Variants in ABHD12 observed in about 807,000 individuals in gnomAD.
ABHD12 encodes lysophosphatidylserine lipase ABHD12.
In ABHD12, 43 loss-of-function variants were observed where a neutral mutation model predicts 58.3. The observed-to-expected ratio is 0.74, with a 90% CI of 0.58 to 0.95. The LOEUF (loss-of-function observed/expected upper bound fraction) is 0.95. ABHD12 is among the 40% of genes least tolerant of loss of function. The pLI is 0.00. For synonymous variants in ABHD12, 219 were observed against 211.2 expected, an observed-to-expected ratio of 1.04 and a Z score of -0.32; for missense variants, 539 against 537.2, an observed-to-expected ratio of 1.00 and a Z score of -0.03.
At chr20:25,368,485 A>G in intron 1 of ABHD12, 1 of 1,545,194 alleles carries the variant, frequency 6.5e-7, no homozygotes. Context: ...ACAAGATGCT[A>G]GGACCTGTAT....
intron 3 of ABHD12, among the ~76,000 whole-genome samples, chr20:25,320,954 C>G (rs995088263): frequency 6.6e-6 from 1 of 152,246 alleles, no homozygotes; most frequent in Non-Finnish European, 1.5e-5. Flanking sequence ...ACTCAGGCCA[C>G]ATCGAATACT....
chr20:25,390,489 CCCCCGCT>C lies in ABHD12; in HGVS notation c.191+17_191+23del. 7.9e-7 allele frequency: 1 copy of C among 1,271,062 alleles called. No individual in the cohort carries two copies. The highest frequency in any genetic ancestry group is 1.0e-6 in the Non-Finnish European group (1 of 981,702). 78.7% of individuals were successfully genotyped at this position (1,271,062 alleles called of 1,614,324 possible). A position where few individuals can be genotyped will look rare whatever the true frequency, so the allele number is the denominator to read the frequency against. ...AAGTGAGGGACCGGCCCCCCCCCCC[CCCCCGCT>C]CCGCGCGAAGCCTCACCTGCCCAGC... On this transcript the variant is annotated intron_variant, in intron 1 of 12. Transcript: ENST00000339157.
At chr20:25,359,846 T>C (rs1037560100) in intron 1 of ABHD12, among the ~76,000 whole-genome samples, 1 of 152,174 alleles carries the variant, frequency 6.6e-6, no homozygotes, top group Admixed American at 6.5e-5. Context: ...GCTAGGATTA[T>C]AGGCGTGAGC....
chr20:25,334,227 C>T (rs888009157), intron 2 of ABHD12, among the ~76,000 whole-genome samples: 1 of 151,146 alleles, frequency 6.6e-6, no homozygotes, highest in African/African-American at 2.4e-5. Context: ...GAATAAAATA[C>T]TTAGGAATCC....
At chr20:25,348,811 G>A (rs1040415698) in intron 1 of ABHD12, among the ~76,000 whole-genome samples, 11 of 152,116 alleles carry the variant, frequency 7.2e-5, no homozygotes, top group Middle Eastern at 3.4e-3. Flanking sequence ...TGGCGGTTGC[G>A]GTGGCTCACG....
chr20:25,325,338 C>T (rs562106669), intron 2 of ABHD12, among the ~76,000 whole-genome samples: 7 of 152,154 alleles, frequency 4.6e-5, no homozygotes, highest in Non-Finnish European at 8.8e-5. Context: ...CTGGGAGGCC[C>T]GCCTGCCCTG....
intron 8 of ABHD12, 47 bp downstream of exon 8, chr20:25,308,410 C>T: frequency 6.3e-7 from 1 of 1,599,502 alleles, no homozygotes; most frequent in Non-Finnish European, 8.5e-7. Flanking sequence ...GACTGGGGAG[C>T]ACCCTGAATG....
chr20:25,307,007 T>G, intron 9 of ABHD12, 92 bp from the exon 10 acceptor site: 3 of 951,996 alleles, frequency 3.2e-6, no homozygotes, highest in Non-Finnish European at 4.9e-6. Flanking sequence ...CAGAAATCTA[T>G]AAGGCGTTGC....
intron 1 of ABHD12, among the ~76,000 whole-genome samples, chr20:25,375,402 C>T (rs2089950157): frequency 6.6e-6 from 1 of 152,212 alleles, no homozygotes; most frequent in Admixed American, 6.5e-5. Flanking sequence ...CTGATCTTTT[C>T]AGACAGTTCT....
At chr20:25,375,855 G>A (rs2089955953) in intron 1 of ABHD12, among the ~76,000 whole-genome samples, 1 of 152,200 alleles carries the variant, frequency 6.6e-6, no homozygotes, top group Non-Finnish European at 1.5e-5. Flanking sequence ...GGGTGCAGTG[G>A]CTCACACCTG....
At chr20:25,306,969 C>T in intron 9 of ABHD12, 54 bp from the exon 10 acceptor site, 1 of 1,329,104 alleles carries the variant, frequency 7.5e-7, no homozygotes, top group Non-Finnish European at 1.1e-6. Context: ...TATCCAGGCA[C>T]AGGTCAAGGG....
chr20:25,385,727 G>A (rs2090080803), intron 1 of ABHD12, among the ~76,000 whole-genome samples: 1 of 151,994 alleles, frequency 6.6e-6, no homozygotes, highest in South Asian at 2.1e-4. Context: ...AAAGGCACCA[G>A]GCTTAGACAG....
chr20:25,340,705 A>C (rs1362270075), intron 1 of ABHD12, among the ~76,000 whole-genome samples: 1 of 152,372 alleles, frequency 6.6e-6, no homozygotes, highest in East Asian at 1.9e-4. Context: ...ATACAGATGA[A>C]TCTCAAAAGG....
At chr20:25,322,710 G>T (rs981851711) in intron 3 of ABHD12, among the ~76,000 whole-genome samples, 1 of 150,252 alleles carries the variant, frequency 6.7e-6, no homozygotes, top group Non-Finnish European at 1.5e-5. Flanking sequence ...ACCAGTGTTT[G>T]TGATTCTTCC....
chr20:25,359,663 A>T (rs2089718777), intron 1 of ABHD12, among the ~76,000 whole-genome samples: 1 of 151,946 alleles, frequency 6.6e-6, no homozygotes, highest in Admixed American at 6.6e-5. Flanking sequence ...TCCATCTCCC[A>T]GGTTCAAGCA....
chr20:25,328,179 G>A (rs1049862914), intron 2 of ABHD12, among the ~76,000 whole-genome samples: 16 of 151,846 alleles, frequency 1.1e-4, no homozygotes, highest in Admixed American at 6.6e-5. Flanking sequence ...GAAGGCTCCC[G>A]ACCAGAGGAA....
intron 1 of ABHD12, among the ~76,000 whole-genome samples, chr20:25,362,667 GT>G (rs1183296750): frequency 6.3e-4 from 91 of 143,420 alleles, no homozygotes; most frequent in African/African-American, 7.4e-4. Flanking sequence ...ATTTTTACTT[GT>G]TTTTTTTTTT....
intron 1 of ABHD12, among the ~76,000 whole-genome samples, chr20:25,350,720 C>A (rs2089586520): frequency 6.6e-6 from 1 of 152,196 alleles, no homozygotes; most frequent in Non-Finnish European, 1.5e-5. Context: ...TCAACAGACT[C>A]AATGGACCCC....
intron 7 of ABHD12, among the ~76,000 whole-genome samples, 155 bp downstream of exon 7, chr20:25,309,291 C>G (rs1432618229): frequency 6.6e-6 from 1 of 152,158 alleles, no homozygotes; most frequent in African/African-American, 2.4e-5. Flanking sequence ...TTTGTAACTT[C>G]CCCTCCTGCC....
Sources: gnomAD v4.1 joint callset for allele counts (sites outside exome capture counted in the v4.1 genomes callset) on GRCh38, gnomAD v4.1.1 for gene constraint, MANE v1.5 for transcripts, NCBI Gene and HGNC (gene_info 2026-07-23, HGNC 2026-07-21) for gene names.